DCLK1: variants seen among roughly 807,000 people sequenced by gnomAD.
DCLK1 encodes the protein serine/threonine-protein kinase DCLK1.
In DCLK1, 16 loss-of-function variants were observed where a neutral mutation model predicts 86.2. The ratio of observed to expected loss-of-function variants is 0.19; its 90% CI spans 0.13 to 0.28. DCLK1 has a LOEUF of 0.28. Ranked by LOEUF, DCLK1 falls within the 10% of genes least tolerant of loss-of-function variation. The probability of loss-of-function intolerance (pLI) is 1.00; values close to 1 mark genes in which losing one functional copy is unlikely to be tolerated. For synonymous variants in DCLK1, 369 were observed against 370.5 expected (o/e 1.00, Z 0.05); for missense variants, 590 against 940.2 (o/e 0.63, Z 4.87).
At chr13:35,944,083 C>T (rs1471200084) in intron 4 of DCLK1, among the ~76,000 whole-genome samples, 1 of 152,108 alleles carries the variant, frequency 6.6e-6, no homozygotes, top group African/African-American at 2.4e-5. Context: ...GAAGGAGTCT[C>T]CCTGGCAGTT....
chr13:35,919,109 C>A (rs1224287492), intron 4 of DCLK1, among the ~76,000 whole-genome samples: 1 of 151,950 alleles, frequency 6.6e-6, no homozygotes, highest in Non-Finnish European at 1.5e-5. Context: ...CCAGGCTGGT[C>A]TCGAACTCCT....
chr13:35,894,146 A>C (rs1286118324), intron 4 of DCLK1, among the ~76,000 whole-genome samples: 1 of 152,112 alleles, frequency 6.6e-6, no homozygotes, highest in Non-Finnish European at 1.5e-5. Flanking sequence ...ACAAACAAAA[A>C]AAAAACAACC....
At chr13:35,987,674 C>T (rs537874333) in intron 3 of DCLK1, among the ~76,000 whole-genome samples, 1 of 152,194 alleles carries the variant, frequency 6.6e-6, no homozygotes, top group African/African-American at 2.4e-5. Flanking sequence ...GGTCTTTTCA[C>T]GGATGAAATG....
intron 3 of DCLK1, among the ~76,000 whole-genome samples, chr13:36,091,858 C>G (rs1884838723): frequency 6.6e-6 from 1 of 152,136 alleles, no homozygotes; most frequent in African/African-American, 2.4e-5. Flanking sequence ...TCACATTTAT[C>G]TGTGTTCCTA....
chr13:35,844,909 A>G (rs545898488), intron 6 of DCLK1, among the ~76,000 whole-genome samples: 49 of 152,362 alleles, frequency 3.2e-4, no homozygotes, highest in African/African-American at 1.1e-3. Context: ...TAAAAATGTT[A>G]GATTTAAAAC....
At chr13:36,049,595 C>T (rs1371263607) in intron 3 of DCLK1, among the ~76,000 whole-genome samples, 7 of 152,072 alleles carry the variant, frequency 4.6e-5, no homozygotes, top group African/African-American at 1.4e-4. Context: ...TGTTTTCTAT[C>T]TTAATTATCT....
intron 3 of DCLK1, among the ~76,000 whole-genome samples, chr13:36,095,187 T>TTG (rs1555361803): frequency 1.0e-3 from 118 of 115,884 alleles, no homozygotes; most frequent in South Asian, 8.8e-3. Context: ...TTTTTTTTTG[T>TTG]TTTTTTTGTT....
intron 11 of DCLK1, among the ~76,000 whole-genome samples, chr13:35,813,168 T>C (rs1340290824): frequency 6.6e-6 from 1 of 152,206 alleles, no homozygotes; most frequent in Non-Finnish European, 1.5e-5. Context: ...TCCATTTTGT[T>C]AACAATAACC....
chr13:35,943,034 A>G (rs1877168910), intron 4 of DCLK1, among the ~76,000 whole-genome samples: 1 of 152,242 alleles, frequency 6.6e-6, no homozygotes, highest in Non-Finnish European at 1.5e-5. Context: ...GATATGTTCC[A>G]GTCCGAATCC....
intron 4 of DCLK1, among the ~76,000 whole-genome samples, chr13:35,930,061 A>G (rs952463803): frequency 6.6e-6 from 1 of 152,184 alleles, no homozygotes; most frequent in Non-Finnish European, 1.5e-5. Flanking sequence ...CCCAATTTTG[A>G]AGCTAGATTT....
chr13:36,131,697 G>A (rs1886366613), upstream of DCLK1, among the ~76,000 whole-genome samples: 1 of 152,230 alleles, frequency 6.6e-6, no homozygotes, highest in South Asian at 2.1e-4. Flanking sequence ...AAGTGTGCAA[G>A]GCACAGAGGT....
At chr13:35,923,754 G>A (rs1875942378) in intron 4 of DCLK1, among the ~76,000 whole-genome samples, 2 of 152,064 alleles carry the variant, frequency 1.3e-5, no homozygotes, top group Admixed American at 1.3e-4. Context: ...TTAGACATAA[G>A]CCACACACCT....
intron 4 of DCLK1, among the ~76,000 whole-genome samples, chr13:35,895,677 C>T (rs1441135405): frequency 1.3e-5 from 2 of 151,414 alleles, no homozygotes; most frequent in Non-Finnish European, 2.9e-5. Flanking sequence ...AATAAAGCAC[C>T]TATTTTATAA....
chr13:35,967,644 C>A (rs1014917661), intron 3 of DCLK1, among the ~76,000 whole-genome samples: 3 of 152,062 alleles, frequency 2.0e-5, no homozygotes, highest in African/African-American at 7.2e-5. Flanking sequence ...CGTTAAGAGT[C>A]ATCACCACTC....
At chr13:35,969,801 C>T (rs1417140024) in intron 3 of DCLK1, among the ~76,000 whole-genome samples, 2 of 152,062 alleles carry the variant, frequency 1.3e-5, no homozygotes, top group African/African-American at 4.8e-5. Flanking sequence ...TCCTAACCCC[C>T]GATGTAATAG....
At chr13:35,860,710 T>C (rs1871333730) in intron 5 of DCLK1, among the ~76,000 whole-genome samples, 1 of 152,232 alleles carries the variant, frequency 6.6e-6, no homozygotes, top group Non-Finnish European at 1.5e-5. Flanking sequence ...ACAGTCACTG[T>C]AGAATGCACA....
rs1296577135 is a variant in DCLK1 at position 35,798,532 on chromosome 13, T to G, written c.1945-5053A>C. 2.0e-5 allele frequency among the ~76,000 whole-genome samples: 3 copies of G among 152,186 alleles called. No homozygotes were observed. In the East Asian group the frequency reaches 5.8e-4, roughly 29 times the overall value. On this transcript the variant is annotated intron_variant, in intron 15 of 16. Coordinates refer to ENST00000360631, the MANE Select transcript of DCLK1 (RefSeq NM_001330071.2). Reference sequence around the variant, plus strand: ...CGCTGCACCTCCCAGTGTGCTTGACTCCTGTTAACCATCCCCACCTGCACG... The same window carrying G: ...CGCTGCACCTCCCAGTGTGCTTGACGCCTGTTAACCATCCCCACCTGCACG...
intron 4 of DCLK1, among the ~76,000 whole-genome samples, chr13:35,889,280 TA>T (rs886282788): frequency 5.3e-5 from 8 of 152,340 alleles, no homozygotes; most frequent in African/African-American, 1.9e-4. Flanking sequence ...TCTTTTTCTT[TA>T]AAAATAATCT....
intron 3 of DCLK1, among the ~76,000 whole-genome samples, chr13:36,043,913 A>C (rs1427077334): frequency 6.6e-6 from 1 of 152,210 alleles, no homozygotes. Context: ...AAAAACTAGA[A>C]AGTAGTAAAA....
Sources: allele counts gnomAD v4.1 joint callset (sites outside exome capture counted in the v4.1 genomes callset), GRCh38; gene constraint gnomAD v4.1.1; transcripts MANE v1.5; gene names NCBI Gene and HGNC (gene_info 2026-07-23, HGNC 2026-07-21).